Variants in WDFY4 observed in about 807,000 individuals in gnomAD.
The protein encoded by WDFY4 is WDFY family member 4.
In WDFY4, 169 loss-of-function variants were observed where a neutral mutation model predicts 351.9. The observed-to-expected ratio is 0.48, with a 90% CI of 0.42 to 0.55. The LOEUF is 0.55. WDFY4 is among the 20% of genes least tolerant of loss of function. WDFY4 has a pLI of 0.00. For synonymous variants in WDFY4, 1,622 were observed against 1,574.6 expected (o/e 1.03, Z -0.71); for missense variants, 3,803 against 3,935.6 (o/e 0.97, Z 0.90).
At chr10:48,780,553 G>A (rs1589591271) in intron 19 of WDFY4, among the ~76,000 whole-genome samples, 1 of 152,230 alleles carries the variant, frequency 6.6e-6, no homozygotes, top group African/African-American at 2.4e-5. Flanking sequence ...CAGGACACTA[G>A]AGTGGGCAGA....
chr10:48,901,915 G>C, intron 47 of WDFY4, 52 bp downstream of exon 47: 1 of 1,493,824 alleles, frequency 6.7e-7, no homozygotes, highest in African/African-American at 1.4e-5. Context: ...TGGCTTTGAT[G>C]TTCCTCCTCT....
At chr10:48,786,342 T>C (rs756559581) in intron 19 of WDFY4, among the ~76,000 whole-genome samples, 2 of 152,202 alleles carry the variant, frequency 1.3e-5, no homozygotes, top group African/African-American at 2.4e-5. Context: ...AATTTGCCAA[T>C]ACTAGACATT....
At chr10:48,880,767 C>T (rs2070213806) in intron 43 of WDFY4, among the ~76,000 whole-genome samples, 1 of 152,208 alleles carries the variant, frequency 6.6e-6, no homozygotes, top group African/African-American at 2.4e-5. Flanking sequence ...GCTATGCTTG[C>T]TGCCTCTGGC....
intron 20 of WDFY4, among the ~76,000 whole-genome samples, chr10:48,787,915 CTT>C (rs1565198836): frequency 7.4e-5 from 4 of 53,882 alleles, no homozygotes; most frequent in Non-Finnish European, 1.4e-4. Flanking sequence ...TCTTCTTCTT[CTT>C]CTTCTTCTTC....
chr10:48,862,568 C>A (rs867650929), intron 39 of WDFY4, among the ~76,000 whole-genome samples: 14 of 152,154 alleles, frequency 9.2e-5, no homozygotes, highest in Admixed American at 4.6e-4. Flanking sequence ...AGAAACAGCT[C>A]AAGGTTGTTC....
chr10:48,818,996 A>C (rs1253364316), intron 32 of WDFY4, among the ~76,000 whole-genome samples: 4 of 152,160 alleles, frequency 2.6e-5, no homozygotes, highest in South Asian at 2.1e-4. Flanking sequence ...CTCTACCCAG[A>C]TGCCCAGCTC....
intron 43 of WDFY4, among the ~76,000 whole-genome samples, chr10:48,884,703 T>A (rs1186836363): frequency 6.6e-6 from 1 of 151,994 alleles, no homozygotes; most frequent in Non-Finnish European, 1.5e-5. Flanking sequence ...CAATACTTTG[T>A]GCCTTGGAAT....
intron 11 of WDFY4, among the ~76,000 whole-genome samples, chr10:48,740,740 A>G (rs1475112238): frequency 6.6e-6 from 1 of 152,150 alleles, no homozygotes; most frequent in African/African-American, 2.4e-5. Flanking sequence ...ATTTCCCTGA[A>G]GTCTTTCCCA....
At chr10:48,877,456 A>G (rs1439661543) in intron 43 of WDFY4, among the ~76,000 whole-genome samples, 2 of 152,188 alleles carry the variant, frequency 1.3e-5, no homozygotes, top group African/African-American at 4.8e-5. Context: ...AGTGAAAAAT[A>G]CTCTAACTTC....
intron 55 of WDFY4, chr10:48,968,205 A>G (rs990938517): frequency 1.3e-5 from 2 of 152,280 alleles, no homozygotes; most frequent in Admixed American, 6.5e-5. Flanking sequence ...AGTGCCATGA[A>G]GTGGTGTCTG....
chr10:48,809,550 CCACCACCATCATCAACATCATCAACAT>C (rs573628256), intron 28 of WDFY4, among the ~76,000 whole-genome samples: 3,781 of 151,258 alleles, frequency 0.025, 75 homozygotes, highest in Non-Finnish European at 0.034. Context: ...ACCATAATCA[CCACCACCATCATCAACATCATCAACAT>C]CACCACCACC....
At chr10:48,686,803 T>C (rs1425300409) in intron 1 of WDFY4, among the ~76,000 whole-genome samples, 1 of 152,192 alleles carries the variant, frequency 6.6e-6, no homozygotes, top group Non-Finnish European at 1.5e-5. Context: ...TTTTTTCTAT[T>C]ATAAGCAGTG....
intron 55 of WDFY4, 172 bp from the exon 56 acceptor site, chr10:48,968,892 A>G: frequency 1.5e-6 from 1 of 656,324 alleles, no homozygotes; most frequent in Non-Finnish European, 2.6e-6. Context: ...GCATAAGTTC[A>G]AGTCCAGTGT....
At chr10:48,862,911 C>A (rs1268705809) in intron 39 of WDFY4, among the ~76,000 whole-genome samples, 1 of 152,198 alleles carries the variant, frequency 6.6e-6, no homozygotes, top group Non-Finnish European at 1.5e-5. Flanking sequence ...CACTAATATA[C>A]TTTCTCTATA....
At chr10:48,815,404 G>A (rs2132949267) in intron 31 of WDFY4, among the ~76,000 whole-genome samples, 1 of 152,154 alleles carries the variant, frequency 6.6e-6, no homozygotes, top group South Asian at 2.1e-4. Flanking sequence ...TTTTCTGGGT[G>A]TGTGGGATTA....
chr10:48,878,623 T>C (rs1159064110), intron 43 of WDFY4: 5 of 152,602 alleles, frequency 3.3e-5, no homozygotes, highest in Admixed American at 6.5e-5. Context: ...CAGGTTTGCC[T>C]ACCTGCAGTG....
At position 48,742,176 on chromosome 10, in the gene WDFY4, C is replaced by G. The variant is rs1303944933; in HGVS notation, c.1879-792C>G. ...ATTTTAGAAGGAAATAAAAGCTTGG[C>G]TGGCCAGTACAGCTCTCAGTGATCT... On this transcript the variant is annotated intron_variant, in intron 11 of 61. Coordinates refer to ENST00000325239, the MANE Select transcript of WDFY4 (RefSeq NM_001394531.1). Among the ~76,000 whole-genome samples the G allele has an allele frequency of 7.2e-5, 11 of 152,176 alleles. No individual in the cohort carries two copies. In the East Asian group the frequency reaches 1.5e-3, roughly 21 times the overall value.
At chr10:48,722,308 A>C (rs2064117091) in intron 4 of WDFY4, among the ~76,000 whole-genome samples, 1 of 152,204 alleles carries the variant, frequency 6.6e-6, no homozygotes, top group African/African-American at 2.4e-5. Flanking sequence ...CCCTGGGGGA[A>C]GGACTCTCTG....
rs1272899303 is a variant in WDFY4 at position 48,820,428 on chromosome 10, G to A, written c.5700G>A (p.Val1900=). The change falls in exon 33 of 62, where the codon GTG becomes GTA. Residue 1900 remains valine, a synonymous_variant. Coordinates refer to ENST00000325239, the MANE Select transcript of WDFY4 (RefSeq NM_001394531.1). ...SSPKQWLPLE[V]LLEASPDHAT... is the part of the protein sequence containing the mutation. ...CCAAGCAGTGGCTGCCCCTGGAGGT[G>A]CTCCTGGAGGTGGGTTGGAAAAGGT... is the stretch of plus-strand genomic sequence containing the variant. 1 of 1,551,060 alleles carries A rather than the reference G, an allele frequency of 6.4e-7. No individual in the cohort carries two copies. Among genetic ancestry groups the A allele is most frequent in the Admixed American group, 2.0e-5 (1 of 51,000 alleles).
Sources: gnomAD v4.1 joint callset for allele counts (sites outside exome capture counted in the v4.1 genomes callset) on GRCh38, gnomAD v4.1.1 for gene constraint, MANE v1.5 for transcripts, NCBI Gene and HGNC (gene_info 2026-07-23, HGNC 2026-07-21) for gene names.